Variants in CEP112 observed in about 807,000 individuals in gnomAD.
CEP112 encodes centrosomal protein 112.
In CEP112, 127 loss-of-function variants were observed where a neutral mutation model predicts 153.0. That is an observed-to-expected ratio of 0.83 (90% confidence interval 0.72 to 0.96). CEP112 has a LOEUF of 0.96. Ranked by LOEUF, CEP112 falls within the 40% of genes least tolerant of loss-of-function variation. The probability of loss-of-function intolerance (pLI) is 0.00; values close to 1 mark genes in which losing one functional copy is unlikely to be tolerated. For synonymous variants in CEP112, 358 were observed against 374.4 expected, an observed-to-expected ratio of 0.96 and a Z score of 0.51; for missense variants, 1,089 against 1,101.2, an observed-to-expected ratio of 0.99 and a Z score of 0.16.
intron 5 of CEP112, among the ~76,000 whole-genome samples, chr17:66,132,406 CA>C (rs898917441): frequency 1.2e-4 from 18 of 151,852 alleles, no homozygotes; most frequent in Admixed American, 2.6e-4. Context: ...AAATTCTGAA[CA>C]AAGGGAAAAT....
chr17:65,838,125 A>T (rs997828098), intron 21 of CEP112, among the ~76,000 whole-genome samples: 3 of 152,348 alleles, frequency 2.0e-5, no homozygotes, highest in East Asian at 1.9e-4. Flanking sequence ...TGATACAATT[A>T]AAAAACACAA....
chr17:65,956,405 T>TACACACACACAC (rs535606142), intron 18 of CEP112, among the ~76,000 whole-genome samples: 7,131 of 144,660 alleles, frequency 0.049, 209 homozygotes, highest in East Asian at 0.069. Flanking sequence ...TATACATACA[T>TACACACACACAC]ACATACACAC....
intron 21 of CEP112, among the ~76,000 whole-genome samples, chr17:65,770,464 A>G (rs1343473780): frequency 6.6e-6 from 1 of 152,138 alleles, no homozygotes; most frequent in Non-Finnish European, 1.5e-5. Flanking sequence ...TCACCAGTAG[A>G]TGTGCACTAC....
rs147896359 is a variant in CEP112, at chr17:65,687,548, C to T, written c.2697+1581G>A. Reference sequence around the variant, plus strand: ...TGTATTACATAGACATTATATAAAACGTATATGTATATATGTATATTTATG... The same window carrying T: ...TGTATTACATAGACATTATATAAAATGTATATGTATATATGTATATTTATG... On this transcript the variant is annotated intron_variant, in intron 24 of 26. Coordinates refer to ENST00000535342, the MANE Select transcript of CEP112 (RefSeq NM_001199165.4). 5.9e-5 allele frequency among the ~76,000 whole-genome samples: 9 copies of T among 152,060 alleles called. No individual in the cohort carries two copies. In the East Asian group the frequency reaches 1.5e-3, roughly 26 times the overall value.
chr17:65,784,583 C>G (rs1412265057), intron 21 of CEP112, among the ~76,000 whole-genome samples: 1 of 152,134 alleles, frequency 6.6e-6, no homozygotes, highest in African/African-American at 2.4e-5. Context: ...CGGGTTCACG[C>G]CATTCTCCTG....
intron 16 of CEP112, among the ~76,000 whole-genome samples, chr17:66,006,016 TAAAAG>T (rs2064259969): frequency 6.6e-6 from 1 of 152,286 alleles, no homozygotes; most frequent in East Asian, 1.9e-4. Context: ...ATTCATAACT[TAAAAG>T]AAAATAAAAA....
chr17:65,811,467 C>A (rs1696132265), intron 21 of CEP112, among the ~76,000 whole-genome samples: 1 of 152,088 alleles, frequency 6.6e-6, no homozygotes. Context: ...CCAAAATTTT[C>A]AAGGTGGTAC....
At chr17:65,907,629 C>T (rs1269058118) in intron 19 of CEP112, among the ~76,000 whole-genome samples, 1 of 152,176 alleles carries the variant, frequency 6.6e-6, no homozygotes, top group Non-Finnish European at 1.5e-5. Context: ...CATCTTCTAG[C>T]AAGGGTGTCT....
At chr17:65,753,042 T>C (rs1005917475) in intron 21 of CEP112, among the ~76,000 whole-genome samples, 14 of 152,332 alleles carry the variant, frequency 9.2e-5, no homozygotes, top group East Asian at 5.8e-4. Flanking sequence ...CCTTTTTCAA[T>C]TTCCTTACTT....
In CEP112 at chr17:65,943,428, T is replaced by A. The variant is rs80200495; in HGVS notation, c.1873-15739A>T. ...TAAACAAAACAACAAGCCTAACATA[T>A]CTATTTGTCTGAAAAGGATTTTATT... On this transcript the variant is annotated intron_variant, in intron 18 of 26. Coordinates refer to ENST00000535342, the MANE Select transcript of CEP112 (RefSeq NM_001199165.4). Among the ~76,000 whole-genome samples the A allele has an allele frequency of 3.2e-4, 49 of 152,314 alleles. No homozygotes were observed. In the East Asian group the frequency reaches 8.5e-3, roughly 26 times the overall value.
intron 17 of CEP112, among the ~76,000 whole-genome samples, chr17:65,981,903 T>TA (rs1390082838): frequency 6.6e-6 from 1 of 152,052 alleles, no homozygotes; most frequent in East Asian, 1.9e-4. Context: ...TGCAAATATA[T>TA]AAAAAAATTT....
At chr17:66,096,205 T>TAAA in intron 8 of CEP112, 46 bp downstream of exon 8, 1 of 1,349,320 alleles carries the variant, frequency 7.4e-7, no homozygotes, top group African/African-American at 1.4e-5. Flanking sequence ...CATAAAATAT[T>TAAA]AAAACTGTAT....
At chr17:65,937,147 G>A (rs954771020) in intron 18 of CEP112, among the ~76,000 whole-genome samples, 1 of 148,756 alleles carries the variant, frequency 6.7e-6, no homozygotes, top group Admixed American at 6.8e-5. Flanking sequence ...GAGTGCAGTG[G>A]CATGATCTCG....
intron 9 of CEP112, among the ~76,000 whole-genome samples, chr17:66,069,479 A>G (rs950715787): frequency 6.6e-6 from 1 of 152,142 alleles, no homozygotes; most frequent in Non-Finnish European, 1.5e-5. Context: ...TGCCAGCACT[A>G]AAATGCATAC....
chr17:65,648,943 C>T (rs867436950), intron 24 of CEP112, among the ~76,000 whole-genome samples: 20 of 152,026 alleles, frequency 1.3e-4, no homozygotes, highest in African/African-American at 4.6e-4. Flanking sequence ...CCCAGCTACT[C>T]GGGAGGCTGA....
At chr17:65,656,508 C>A (rs1225472250) in intron 24 of CEP112, among the ~76,000 whole-genome samples, 1 of 152,210 alleles carries the variant, frequency 6.6e-6, no homozygotes, top group African/African-American at 2.4e-5. Context: ...AAACTTCAGC[C>A]TGCAGACCAA....
chr17:66,038,110 A>AAAAAAAAAGAAAAG (rs71293591), intron 12 of CEP112, among the ~76,000 whole-genome samples: 3 of 120,706 alleles, frequency 2.5e-5, no homozygotes, highest in African/African-American at 9.8e-5. Context: ...CAAAAAAAAA[A>AAAAAAAAAGAAAAG]AAAAGAAAAG....
At chr17:65,724,067 T>C (rs779120353) in intron 23 of CEP112, among the ~76,000 whole-genome samples, 3 of 152,278 alleles carry the variant, frequency 2.0e-5, no homozygotes, top group Non-Finnish European at 2.9e-5. Flanking sequence ...ATGGGGGTTG[T>C]TCTTTTTTTT....
chr17:66,143,270 G>C (rs553825515), intron 4 of CEP112, among the ~76,000 whole-genome samples: 1 of 152,274 alleles, frequency 6.6e-6, no homozygotes, highest in African/African-American at 2.4e-5. Context: ...TCTTCCACTA[G>C]CAAAAGGCTC....
Sources: gnomAD v4.1 joint callset for allele counts (sites outside exome capture counted in the v4.1 genomes callset) on GRCh38, gnomAD v4.1.1 for gene constraint, MANE v1.5 for transcripts, NCBI Gene and HGNC (gene_info 2026-07-23, HGNC 2026-07-21) for gene names.